Variants in POU6F2 observed in about 807,000 individuals in gnomAD.
The protein encoded by POU6F2 is POU class 6 homeobox 2.
A neutral mutation model predicts 71.3 loss-of-function variants in POU6F2; 31 were observed. The observed-to-expected ratio is 0.43, with a 90% CI of 0.33 to 0.59. The LOEUF is 0.59. Among genes scored for constraint, POU6F2 ranks in the 20% least tolerant of loss-of-function variants. The pLI, the probability that POU6F2 is intolerant of heterozygous loss-of-function variation, is 0.04. For synonymous variants in POU6F2, 347 were observed against 355.7 expected, an observed-to-expected ratio of 0.98 and a Z score of 0.27; for missense variants, 783 against 856.8, an observed-to-expected ratio of 0.91 and a Z score of 1.07.
At chr7:39,005,127 C>T (rs1231625780) in intron 1 of POU6F2, 5 of 152,254 alleles carry the variant, frequency 3.3e-5, no homozygotes, top group Admixed American at 3.3e-4. Flanking sequence ...GTGTCACTGG[C>T]TATAGCAGAC....
chr7:39,047,976 T>A lies in POU6F2; in HGVS notation c.106-37884T>A, dbSNP rs563321511. Among the ~76,000 whole-genome samples the A allele has an allele frequency of 3.9e-5, 6 of 152,030 alleles. No homozygotes were observed. In the South Asian group the frequency reaches 1.0e-3, roughly 26 times the overall value. The stretch of plus-strand genomic sequence containing the variant: ...TCAGGGACATTAATCTGCAATTTTA[T>A]TTTTTTATGATGTCTTTGGCTGGCT... On this transcript the variant is annotated intron_variant, in intron 1 of 9. Coordinates refer to ENST00000518318, the MANE Select transcript of POU6F2 (RefSeq NM_001370959.1).
At chr7:39,032,926 G>A (rs886585797) in intron 1 of POU6F2, among the ~76,000 whole-genome samples, 22 of 152,190 alleles carry the variant, frequency 1.4e-4, no homozygotes, top group African/African-American at 4.3e-4. Flanking sequence ...AGGCCTCAGC[G>A]TGGTGAGGAG....
chr7:39,269,070 ATTTC>A (rs1784299742), intron 4 of POU6F2, among the ~76,000 whole-genome samples: 1 of 152,044 alleles, frequency 6.6e-6, no homozygotes, highest in African/African-American at 2.4e-5. Flanking sequence ...GCTTCCTTTT[ATTTC>A]TTTTTTGTTA....
At chr7:39,033,394 C>T (rs1242826745) in intron 1 of POU6F2, among the ~76,000 whole-genome samples, 1 of 152,264 alleles carries the variant, frequency 6.6e-6, no homozygotes, top group South Asian at 2.1e-4. Flanking sequence ...AACATCAACA[C>T]GGAACATTGC....
rs190592150 is a variant in POU6F2 at position 39,084,739 on chromosome 7, C to T, written c.106-1121C>T. On this transcript the variant is annotated intron_variant, in intron 1 of 9. Coordinates refer to ENST00000518318, the MANE Select transcript of POU6F2 (RefSeq NM_001370959.1). ...AAAAAAAAATAAAACACAGGCATAC[C>T]GCAACCAATGCAATGGTGGGACCCG... Among the ~76,000 whole-genome samples the T allele has an allele frequency of 6.8e-3, 1,028 of 152,158 alleles. 9 individuals are homozygous for T. The highest frequency in any genetic ancestry group is 0.015 in the South Asian group (74 of 4,808).
intron 1 of POU6F2, among the ~76,000 whole-genome samples, chr7:39,004,082 T>C (rs1423941601): frequency 6.6e-6 from 1 of 152,162 alleles, no homozygotes; most frequent in African/African-American, 2.4e-5. Context: ...CAGAATAAAA[T>C]CTCTGATAAC....
intron 2 of POU6F2, among the ~76,000 whole-genome samples, chr7:39,190,228 G>T (rs915694727): frequency 4.6e-5 from 7 of 151,786 alleles, no homozygotes; most frequent in African/African-American, 1.7e-4. Flanking sequence ...ATCAGAATGT[G>T]CTCCACCACC....
rs528497460 is a variant in POU6F2 at position 38,981,357 on chromosome 7, T to G, written c.105+3299T>G. 2.6e-5 allele frequency among the ~76,000 whole-genome samples: 4 copies of G among 152,254 alleles called. 1 individual carries two copies. The South Asian group carries it at 8.3e-4, about 32-fold the overall frequency. On this transcript the variant is annotated intron_variant, in intron 1 of 9. Coordinates refer to ENST00000518318, the MANE Select transcript of POU6F2 (RefSeq NM_001370959.1). ...CCTGTTTTTGTTTTTTCTCATCTCA[T>G]ACAGTCGGGTCACTGTGTCCAATAC...
chr7:39,189,104 C>T (rs960160964), intron 2 of POU6F2, among the ~76,000 whole-genome samples: 8 of 152,166 alleles, frequency 5.3e-5, no homozygotes, highest in Non-Finnish European at 8.8e-5. Flanking sequence ...TAGGACCTGG[C>T]CTGGTGCTCA....
chr7:39,369,364 T>A (rs1236134545), intron 5 of POU6F2, among the ~76,000 whole-genome samples: 4 of 151,946 alleles, frequency 2.6e-5, no homozygotes, highest in African/African-American at 9.7e-5. Flanking sequence ...TTTTTCTTTT[T>A]CTTTCTTTTT....
intron 2 of POU6F2, among the ~76,000 whole-genome samples, chr7:39,116,033 G>T (rs373215200): frequency 6.6e-6 from 1 of 152,074 alleles, no homozygotes; most frequent in Non-Finnish European, 1.5e-5. Flanking sequence ...CAGCAGACTC[G>T]CCTCTCCATC....
At chr7:39,116,780 C>T (rs1216991266) in intron 2 of POU6F2, among the ~76,000 whole-genome samples, 9 of 152,136 alleles carry the variant, frequency 5.9e-5, no homozygotes. Context: ...GACCTCCCTC[C>T]TTCCAAATAA....
chr7:39,006,961 T>G (rs1310988961), intron 1 of POU6F2: 3 of 1,307,846 alleles, frequency 2.3e-6, no homozygotes, highest in Non-Finnish European at 3.3e-6. Context: ...GGGAAATAAT[T>G]GTCATGTTTC....
chr7:39,015,706 T>TATATAACATATAGATATAATATAA (rs1562670430), intron 1 of POU6F2, among the ~76,000 whole-genome samples: 2 of 7,518 alleles, frequency 2.7e-4, no homozygotes, highest in African/African-American at 4.4e-4. Context: ...ATTATATATA[T>TATATAACATATAGATATAATATAA]CTATGTTATA....
chr7:39,389,240 G>T (rs1236281742), intron 5 of POU6F2, among the ~76,000 whole-genome samples: 1 of 152,070 alleles, frequency 6.6e-6, no homozygotes, highest in African/African-American at 2.4e-5. Flanking sequence ...TTGAATAAAT[G>T]TATTTCCAAG....
intron 4 of POU6F2, among the ~76,000 whole-genome samples, chr7:39,298,255 A>T (rs1310762089): frequency 3.3e-5 from 5 of 152,210 alleles, no homozygotes; most frequent in Admixed American, 2.6e-4. Flanking sequence ...AAATTTTTGC[A>T]ATCTACCCAT....
intron 1 of POU6F2, among the ~76,000 whole-genome samples, chr7:39,021,453 T>C (rs917109960): frequency 6.6e-6 from 1 of 152,040 alleles, no homozygotes; most frequent in African/African-American, 2.4e-5. Context: ...AGTATTTATG[T>C]ACTCCACCCC....
chr7:39,185,324 T>C (rs745356283), intron 2 of POU6F2, among the ~76,000 whole-genome samples: 2 of 152,112 alleles, frequency 1.3e-5, no homozygotes, highest in Non-Finnish European at 2.9e-5. Flanking sequence ...CGCCACTGGA[T>C]TGTCCTCCCT....
chr7:39,015,908 T>TATATAGATATTATATATTGTATATTGA (rs1491133686), intron 1 of POU6F2, among the ~76,000 whole-genome samples: 1 of 46,226 alleles, frequency 2.2e-5, no homozygotes, highest in Non-Finnish European at 3.7e-5. Context: ...TAGATATATA[T>TATATAGATATTATATATTGTATATTGA]TATATATTAT....
Sources: gnomAD v4.1 joint callset for allele counts (sites outside exome capture counted in the v4.1 genomes callset) on GRCh38, gnomAD v4.1.1 for gene constraint, MANE v1.5 for transcripts, NCBI Gene and HGNC (gene_info 2026-07-23, HGNC 2026-07-21) for gene names.